BMPR1B: variants seen among roughly 807,000 people sequenced by gnomAD.
BMPR1B encodes bone morphogenetic protein receptor type 1B.
BMPR1B carries 12 observed loss-of-function variants against 59.1 expected under a neutral mutation model. The ratio of observed to expected loss-of-function variants is 0.20; its 90% CI spans 0.13 to 0.33. The LOEUF is 0.33. Among genes scored for constraint, BMPR1B ranks in the 10% least tolerant of loss-of-function variants. The pLI, the probability that BMPR1B is intolerant of heterozygous loss-of-function variation, is 1.00. For missense variants in BMPR1B, 550 were observed against 610.9 expected, an observed-to-expected ratio of 0.90 and a Z score of 1.05; for synonymous variants, 237 against 207.3, an observed-to-expected ratio of 1.14 and a Z score of -1.23.
At chr4:95,055,320 C>T (rs1314812209) in intron 3 of BMPR1B, among the ~76,000 whole-genome samples, 2 of 151,890 alleles carry the variant, frequency 1.3e-5, no homozygotes, top group African/African-American at 4.8e-5. Context: ...ATAGGGAATC[C>T]AGTAAGAGGA....
intron 3 of BMPR1B, among the ~76,000 whole-genome samples, chr4:95,081,802 A>G (rs1729160198): frequency 6.6e-6 from 1 of 152,176 alleles, no homozygotes; most frequent in African/African-American, 2.4e-5. Context: ...TGTGAGACCA[A>G]TTATTCTTAA....
chr4:94,807,414 A>G (rs1723644637), intron 1 of BMPR1B, among the ~76,000 whole-genome samples: 1 of 152,140 alleles, frequency 6.6e-6, no homozygotes, highest in Non-Finnish European at 1.5e-5. Flanking sequence ...TCTTGAATGA[A>G]AAAACTGGGT....
intron 3 of BMPR1B, among the ~76,000 whole-genome samples, chr4:95,097,996 A>T (rs1730552766): frequency 6.6e-6 from 1 of 152,180 alleles, no homozygotes; most frequent in African/African-American, 2.4e-5. Context: ...AAGTAAAATG[A>T]GGATTTCATT....
Position 95,139,678 on chromosome 4 carries a change from T to G in BMPR1B, c.1076+8166T>G, listed in dbSNP as rs919640257. Among the ~76,000 whole-genome samples, 10 of 152,224 alleles carry G rather than the reference T, an allele frequency of 6.6e-5. 1 individual carries two copies. The highest frequency in any genetic ancestry group is 2.2e-4 in the African/African-American group (9 of 41,566). On this transcript the variant is annotated intron_variant, in intron 10 of 12. Coordinates refer to ENST00000515059, the MANE Select transcript of BMPR1B (RefSeq NM_001203.3). ...CAATCTCAGACTGCTGTGCTAGCAA[T>G]GAGCGAGGCTCCATGGGCGTGGGAC...
intron 1 of BMPR1B, among the ~76,000 whole-genome samples, chr4:94,777,577 A>G (rs1215757700): frequency 6.6e-6 from 1 of 152,216 alleles, no homozygotes; most frequent in Non-Finnish European, 1.5e-5. Context: ...CAATGGCAGA[A>G]GTGACCTTAA....
At chr4:95,066,977 T>G (rs1727857149) in intron 3 of BMPR1B, among the ~76,000 whole-genome samples, 1 of 152,200 alleles carries the variant, frequency 6.6e-6, no homozygotes, top group South Asian at 2.1e-4. Context: ...TGTCTTATTT[T>G]TCTAGTAGAG....
At chr4:95,055,284 AT>A (rs1009418350) in intron 3 of BMPR1B, among the ~76,000 whole-genome samples, 27 of 151,488 alleles carry the variant, frequency 1.8e-4, no homozygotes, top group East Asian at 9.7e-4. Context: ...TAGGTTATAC[AT>A]TTTTTTTTAG....
chr4:94,889,701 G>A (rs577499111), intron 2 of BMPR1B, among the ~76,000 whole-genome samples: 1 of 152,136 alleles, frequency 6.6e-6, no homozygotes, highest in South Asian at 2.1e-4. Flanking sequence ...AACCTGAGAA[G>A]GAGCCACAGT....
At chr4:94,950,543 G>T (rs1729893248) in intron 2 of BMPR1B, among the ~76,000 whole-genome samples, 1 of 152,148 alleles carries the variant, frequency 6.6e-6, no homozygotes, top group African/African-American at 2.4e-5. Flanking sequence ...TTATTAAATA[G>T]GGAATCCTTT....
rs775660734 is a variant in BMPR1B at position 95,131,198 on chromosome 4, A to G, written c.779-17A>G. Reference sequence around the variant, plus strand: ...TATTTGGAAAACACTAAACCTTTTCATCTTTTTTCCTTTTAGGTTTCATTG... The same window carrying G: ...TATTTGGAAAACACTAAACCTTTTCGTCTTTTTTCCTTTTAGGTTTCATTG... On this transcript the variant is annotated splice_polypyrimidine_tract_variant and intron_variant, in intron 9 of 12. Transcript: ENST00000515059. The G allele has an allele frequency of 1.2e-6, 2 of 1,610,534 alleles. No individual in the cohort carries two copies. Among genetic ancestry groups the G allele is most frequent in the South Asian group, 1.1e-5 (1 of 90,884 alleles).
At chr4:95,007,703 G>T (rs143664320) in intron 3 of BMPR1B, among the ~76,000 whole-genome samples, 7 of 152,282 alleles carry the variant, frequency 4.6e-5, no homozygotes, top group Non-Finnish European at 1.0e-4. Flanking sequence ...TTTATACACA[G>T]AAAAATCAAG....
chr4:94,811,858 G>A (rs1723827551), intron 1 of BMPR1B, among the ~76,000 whole-genome samples: 1 of 152,144 alleles, frequency 6.6e-6, no homozygotes, highest in Admixed American at 6.5e-5. Flanking sequence ...TATCGTGCCA[G>A]TATTTCCATA....
intron 3 of BMPR1B, among the ~76,000 whole-genome samples, chr4:95,003,406 G>A (rs1429318282): frequency 1.3e-5 from 2 of 151,936 alleles, no homozygotes; most frequent in East Asian, 3.9e-4. Flanking sequence ...TTTTATCTCT[G>A]TGGAATAAAG....
At chr4:95,122,143 C>T (rs1332858416) in intron 6 of BMPR1B, among the ~76,000 whole-genome samples, 1 of 152,080 alleles carries the variant, frequency 6.6e-6, no homozygotes, top group Non-Finnish European at 1.5e-5. Context: ...TTGAGACCAG[C>T]CGGGCCAACG....
chr4:95,133,988 A>G (rs182294775), intron 10 of BMPR1B, among the ~76,000 whole-genome samples: 5 of 151,952 alleles, frequency 3.3e-5, no homozygotes, highest in Admixed American at 3.3e-4. Context: ...TTAACTTGTC[A>G]TTTACATTAG....
chr4:94,983,659 T>TA (rs1386644217), intron 2 of BMPR1B, among the ~76,000 whole-genome samples: 2 of 152,218 alleles, frequency 1.3e-5, no homozygotes, highest in African/African-American at 2.4e-5. Flanking sequence ...ATTTTGGTCT[T>TA]ACCACAGTGT....
chr4:95,125,838 C>A (rs1479076440), intron 8 of BMPR1B, among the ~76,000 whole-genome samples: 1 of 152,036 alleles, frequency 6.6e-6, no homozygotes, highest in Non-Finnish European at 1.5e-5. Context: ...ATCCTAATAC[C>A]CAATACTGCT....
At chr4:95,118,623 C>T (rs28631953) in intron 6 of BMPR1B, among the ~76,000 whole-genome samples, 2,621 of 152,138 alleles carry the variant, frequency 0.017, 77 homozygotes, top group African/African-American at 0.06. Flanking sequence ...GGAGTGACAG[C>T]GCAGGTAGAA....
chr4:94,834,949 T>C (rs1048207309), intron 1 of BMPR1B, among the ~76,000 whole-genome samples: 2 of 148,390 alleles, frequency 1.3e-5, no homozygotes, highest in African/African-American at 4.9e-5. Flanking sequence ...TTTGTTTTTT[T>C]TTTTTTTAAA....
Sources: allele counts gnomAD v4.1 joint callset (sites outside exome capture counted in the v4.1 genomes callset), GRCh38; gene constraint gnomAD v4.1.1; transcripts MANE v1.5; gene names NCBI Gene and HGNC (gene_info 2026-07-23, HGNC 2026-07-21).